TNXB: variants seen among roughly 807,000 people sequenced by gnomAD.
The protein encoded by TNXB is tenascin-X.
Under a neutral mutation model 340.5 loss-of-function variants are expected in TNXB, and 183 were observed. The ratio of observed to expected loss-of-function variants is 0.54; its 90% CI spans 0.48 to 0.61. The LOEUF (loss-of-function observed/expected upper bound fraction) is 0.61, where lower values mean the gene tolerates loss of function less well. TNXB is among the 20% of genes least tolerant of loss of function. The probability of loss-of-function intolerance (pLI) is 0.00; values close to 1 mark genes in which losing one functional copy is unlikely to be tolerated. For missense variants in TNXB, 4,613 were observed against 5,446.4 expected, an observed-to-expected ratio of 0.85 and a Z score of 4.82; for synonymous variants, 2,121 against 2,314.5, an observed-to-expected ratio of 0.92 and a Z score of 2.40.
At chr6:32,104,698 G>A (rs1015525285) in intron 1 of TNXB, among the ~76,000 whole-genome samples, 3 of 151,748 alleles carry the variant, frequency 2.0e-5, no homozygotes, top group African/African-American at 7.3e-5. Context: ...GCAGTGGTGC[G>A]ATCATAGCTC....
At position 32,096,743 on chromosome 6, in the gene TNXB, C is replaced by T; in HGVS notation, c.1110G>A (p.Thr370=). 6.4e-7 allele frequency: 1 copy of T among 1,553,482 alleles called. No homozygotes were observed. The highest frequency in any genetic ancestry group is 8.7e-7 in the Non-Finnish European group (1 of 1,150,680). ...CCCGGCAGTCCCTCGGACATGTCCG[C>T]GTGCTGCAGTCCTCGCCTGTGTACC... ...WPGYTGEDCS[T]RTCPRDCRGR... The change falls in exon 3 of 44, where the codon ACG becomes ACA. Residue 370 remains threonine (T), a synonymous_variant. Coordinates refer to ENST00000644971, the MANE Select transcript of TNXB (RefSeq NM_001365276.2).
intron 1 of TNXB, among the ~76,000 whole-genome samples, chr6:32,107,634 G>A (rs190420538): frequency 6.6e-6 from 1 of 152,220 alleles, no homozygotes; most frequent in African/African-American, 2.4e-5. Flanking sequence ...GCAGGGATGG[G>A]GGCATCTTCC....
rs562829295 is a variant in TNXB at position 32,052,382 on chromosome 6, C to T, written c.9115+288G>A. On this transcript the variant is annotated intron_variant, in intron 26 of 43. Transcript: ENST00000644971. This position sits in a 1 kb window ranked among gnomAD's most constrained non-coding sequence, Gnocchi z 4.7. Reference sequence around the variant, plus strand: ...AGGAGAATCACTTGAACCCAGGAGGCGGAGGTTCCAGTGAGCCGAGATTGA... The same window carrying T: ...AGGAGAATCACTTGAACCCAGGAGGTGGAGGTTCCAGTGAGCCGAGATTGA... 2.7e-5 allele frequency among the ~76,000 whole-genome samples: 4 copies of T among 150,766 alleles called. No homozygotes were observed. Among genetic ancestry groups the T allele is most frequent in the South Asian group, 2.1e-4 (1 of 4,772 alleles).
chr6:32,064,352 A>G lies in TNXB; in HGVS notation c.6841+469T>C, dbSNP rs543417681. Among the ~76,000 whole-genome samples, 1 of 152,158 alleles carries G rather than the reference A, an allele frequency of 6.6e-6. No homozygotes were observed. Among genetic ancestry groups the G allele is most frequent in the African/African-American group, 2.4e-5 (1 of 41,436 alleles). ...CTTAGCCTCCCGAGTAGCTGGGACT[A>G]CAGGCATGTGCCACCACACCCAGCT... On this transcript the variant is annotated intron_variant, in intron 19 of 43. Transcript: ENST00000644971. This position sits in a 1 kb window ranked among gnomAD's most constrained non-coding sequence, Gnocchi z 5.3.
intron 1 of TNXB, among the ~76,000 whole-genome samples, chr6:32,104,792 C>T (rs752926856): frequency 3.3e-5 from 5 of 152,134 alleles, no homozygotes; most frequent in South Asian, 2.1e-4. Flanking sequence ...TGTGCCATCA[C>T]GCTCAGCTAA....
chr6:32,086,628 G>A (rs1779795671), intron 6 of TNXB, among the ~76,000 whole-genome samples: 1 of 152,210 alleles, frequency 6.6e-6, no homozygotes. Context: ...CCTCCCCACA[G>A]CAGCCACAGG....
At position 32,061,478 on chromosome 6, in the gene TNXB, G is replaced by C. The variant is rs1049048642; in HGVS notation, c.7411C>G (p.Pro2471Ala). Residue 2471 changes from proline (P) to alanine (A), a missense_variant, in exon 21 of 44, where the codon CCT becomes GCT. By Grantham distance (27) the Pro-to-Ala change is conservative. Around this residue, in one of 7 missense-constraint regions of TNXB, gnomAD observed 4,327 missense variants for 4,859.4 expected, o/e 0.89. Coordinates refer to ENST00000644971, the MANE Select transcript of TNXB (RefSeq NM_001365276.2). This position sits in a 1 kb window ranked among gnomAD's most constrained non-coding sequence, Gnocchi z 4.4. Reference sequence around the variant, plus strand: ...AGGTGCATCTTGTATTTGCGCCCAGGCTCCAGGCCCCCCACGGTGACCTCG... The same window carrying C: ...AGGTGCATCTTGTATTTGCGCCCAGCCTCCAGGCCCCCCACGGTGACCTCG... ...ESEVTVGGLE[P>A]GRKYKMHLYG... 2.5e-6 allele frequency: 4 copies of C among 1,613,540 alleles called. No homozygotes were observed. Among genetic ancestry groups the C allele is most frequent in the Non-Finnish European group, 3.4e-6 (4 of 1,179,816 alleles).
At chr6:32,099,299 T>C (rs1244226573) in intron 1 of TNXB, among the ~76,000 whole-genome samples, 6 of 151,730 alleles carry the variant, frequency 4.0e-5, no homozygotes, top group Non-Finnish European at 4.4e-5. Context: ...AGTGGTGCGA[T>C]CTCGGCTCAC....
chr6:32,058,079 C>G lies in TNXB; in HGVS notation c.7804G>C (p.Val2602Leu). 2 of 1,610,916 alleles carry G rather than the reference C, an allele frequency of 1.2e-6. No homozygotes were observed. Among genetic ancestry groups the G allele is most frequent in the Non-Finnish European group, 1.7e-6 (2 of 1,178,602 alleles). ...GLHEGRRLGPVSAVGVTEDEA... is the reference protein window; with the variant it reads ...GLHEGRRLGPLSAVGVTEDEA... The stretch of plus-strand genomic sequence containing the variant: ...TCACCTGTGACGCCCACGGCAGACA[C>G]CGGGCCCAGGCGCCGCCCCTCGTGG... The change falls in exon 22 of 44, where the codon GTG (valine) becomes CTG (leucine). Residue 2602 changes from valine to leucine, a missense_variant. Val to Leu is a conservative substitution (Grantham distance 32). Around this residue, in one of 7 missense-constraint regions of TNXB, gnomAD observed 4,327 missense variants for 4,859.4 expected, o/e 0.89. Coordinates refer to ENST00000644971, the MANE Select transcript of TNXB (RefSeq NM_001365276.2). The surrounding 1 kb of genome is among the most constrained non-coding windows in gnomAD (Gnocchi z 5.1).
chr6:32,099,562 C>A (rs1442144536), intron 1 of TNXB, among the ~76,000 whole-genome samples: 1 of 151,942 alleles, frequency 6.6e-6, no homozygotes, highest in African/African-American at 2.4e-5. Flanking sequence ...TCTTGCTCAA[C>A]CCCCTGGTTG....
At position 32,098,947 on chromosome 6, in the gene TNXB, T is replaced by C. The variant is rs146786559; in HGVS notation, c.-8-741A>G. On this transcript the variant is annotated intron_variant, in intron 1 of 43. Coordinates refer to ENST00000644971, the MANE Select transcript of TNXB (RefSeq NM_001365276.2). ...TAGGGCAGTCTTCCATTACTCTCTA[T>C]CACAATATCCTGTTCCTGTTCTTCA... Among the ~76,000 whole-genome samples, 269 of 152,334 alleles carry C rather than the reference T, an allele frequency of 1.8e-3. 1 individual carries two copies. The highest frequency in any genetic ancestry group is 4.9e-3 in the African/African-American group (203 of 41,574).
At chr6:32,057,280 C>T (rs1212494396) in intron 22 of TNXB, among the ~76,000 whole-genome samples, 1 of 152,188 alleles carries the variant, frequency 6.6e-6, no homozygotes, top group African/African-American at 2.4e-5. Flanking sequence ...CACACTCCTC[C>T]CGAGGCCAGA....
chr6:32,046,444 T>G lies in TNXB; in HGVS notation c.10337A>C (p.Lys3446Thr). The change falls in exon 31 of 44, where the codon AAG becomes ACG. Residue 3446 changes from lysine (K) to threonine (T), a missense_variant. Lys to Thr is a moderately conservative substitution (Grantham distance 78, BLOSUM62 -1). This residue lies in a region of TNXB where 4,327 missense variants were observed against 4,859.4 expected (regional missense o/e 0.89). Coordinates refer to ENST00000644971, the MANE Select transcript of TNXB (RefSeq NM_001365276.2). The surrounding 1 kb of genome is among the most constrained non-coding windows in gnomAD (Gnocchi z 6.9). ...SADSTTAPLE[K>T]ELPPHLGELT... The stretch of plus-strand genomic sequence containing the variant: ...TTCCCCCAGGTGGGGAGGTAGCTCC[T>G]TCTCCAGGGGAGCTGTGCAGAGGGA... 6.4e-7 allele frequency: 1 copy of G among 1,574,144 alleles called. No homozygotes were observed. The highest frequency in any genetic ancestry group is 2.3e-5 in the East Asian group (1 of 43,940).
In TNXB at chr6:32,088,905, G is replaced by T; in HGVS notation, c.2659C>A (p.Pro887Thr). The T allele has an allele frequency of 6.3e-7, 1 of 1,596,116 alleles. No individual in the cohort carries two copies. The highest frequency in any genetic ancestry group is 8.5e-7 in the Non-Finnish European group (1 of 1,171,598). Residue 887 changes from proline (P) to threonine (T), a missense_variant, in exon 6 of 44, where the codon CCC (proline) becomes ACC (threonine). This residue lies in a region of TNXB where 4,327 missense variants were observed against 4,859.4 expected (regional missense o/e 0.89). Transcript: ENST00000644971. ...AGCAGCGTCCCGTCTGCTTCAGGGGGCACTTCCAGCCTCACCCTCTGGTTG... is the reference window on the plus strand; with the variant it reads ...AGCAGCGTCCCGTCTGCTTCAGGGGTCACTTCCAGCCTCACCCTCTGGTTG... ...AGNQRVRLEV[P>T]PEADGTLLTD...
In TNXB at chr6:32,084,804, G is replaced by A. The variant is rs1365494160; in HGVS notation, c.3149-95C>T. On this transcript the variant is annotated intron_variant, in intron 7 of 43. Transcript: ENST00000644971. This position sits in a 1 kb window ranked among gnomAD's most constrained non-coding sequence, Gnocchi z 5.5. ...TCCCCTGCCCACCTCACTCCATCCT[G>A]GATAGATCCCTCCCCGGAAGACTCT... 1.3e-5 allele frequency: 15 copies of A among 1,183,562 alleles called. No homozygotes were observed. The highest frequency in any genetic ancestry group is 1.6e-5 in the Non-Finnish European group (14 of 878,798). The allele number at this position is 1,183,562 out of a possible 1,614,324, so 73.3% of individuals were successfully genotyped here.
intron 43 of TNXB, 114 bp downstream of exon 43, chr6:32,041,657 G>A (rs557639185): frequency 8.7e-7 from 1 of 1,154,314 alleles, no homozygotes; most frequent in Non-Finnish European, 1.3e-6. Context: ...AGGCTGGCAT[G>A]ATTGTTCCAT....
chr6:32,098,077 G>T lies in TNXB; in HGVS notation c.122C>A (p.Pro41His). 1 of 1,605,778 alleles carries T rather than the reference G, an allele frequency of 6.2e-7. No individual in the cohort carries two copies. The highest frequency in any genetic ancestry group is 8.5e-7 in the Non-Finnish European group (1 of 1,177,138). Residue 41 changes from proline (P) to histidine (H), a missense_variant, in exon 2 of 44, where the codon CCC (proline) becomes CAC (histidine). Pro to His is a moderately conservative substitution (Grantham distance 77, BLOSUM62 -2). Coordinates refer to ENST00000644971, the MANE Select transcript of TNXB (RefSeq NM_001365276.2). ...NVTLPAPRPP[P>H]QPGGHTVGAG... is the part of the protein sequence containing the mutation. ...CCCCACTGTGTGGCCCCCTGGCTGG[G>T]GAGGGGGCCGGGGGGCTGGCAGTGT...
Position 32,070,483 on chromosome 6 carries a change from G to T in TNXB, c.4991-69C>A. 6.9e-7 allele frequency: 1 copy of T among 1,442,054 alleles called. No homozygotes were observed. The highest frequency in any genetic ancestry group is 9.2e-7 in the Non-Finnish European group (1 of 1,085,720). The allele number at this position is 1,442,054 out of a possible 1,614,324, so 89.3% of individuals were successfully genotyped here. ...CCTTGACTGCCTCCCTCTGGGGCTG[G>T]AAAAACCCAGAACTGCCCAAATGCT... On this transcript the variant is annotated intron_variant, in intron 13 of 43. Transcript: ENST00000644971. The surrounding 1 kb of genome is among the most constrained non-coding windows in gnomAD (Gnocchi z 6.0).
rs754423187 is a variant in TNXB, at chr6:32,048,609, C to T, written c.9799G>A (p.Glu3267Lys). 5.2e-6 allele frequency: 8 copies of T among 1,528,688 alleles called. No homozygotes were observed. Among genetic ancestry groups the T allele is most frequent in the African/African-American group, 1.4e-5 (1 of 73,072 alleles). The allele number at this position is 1,528,688 out of a possible 1,614,324, so 94.7% of individuals were successfully genotyped here. ...GAGGTCACGGCCGCCACCGCCAGCT[C>T]CCCCAGGCGGGGCTCCACCGGCAGT... is the stretch of plus-strand genomic sequence containing the variant. ...TPLPVEPRLG[E>K]LAVAAVTSDS... Residue 3267 changes from glutamate to lysine, a missense_variant, in exon 29 of 44, where the codon GAG becomes AAG. By Grantham distance (56) the Glu-to-Lys change is moderately conservative. Coordinates refer to ENST00000644971, the MANE Select transcript of TNXB (RefSeq NM_001365276.2).
Sources: allele counts gnomAD v4.1 joint callset (sites outside exome capture counted in the v4.1 genomes callset), GRCh38; gene constraint gnomAD v4.1.1; regional missense constraint gnomAD v4.1.1; non-coding constraint Gnocchi (gnomAD v3.1); transcripts MANE v1.5; gene names NCBI Gene and HGNC (gene_info 2026-07-23, HGNC 2026-07-21).